LAMA2: variants seen among roughly 807,000 people sequenced by gnomAD.
LAMA2 encodes laminin subunit alpha-2.
Under a neutral mutation model 364.8 loss-of-function variants are expected in LAMA2, and 269 were observed. The ratio of observed to expected loss-of-function variants is 0.74; its 90% CI spans 0.67 to 0.82. The LOEUF is 0.82. Among genes scored for constraint, LAMA2 ranks in the 40% least tolerant of loss-of-function variants. The pLI is 0.00. For missense variants in LAMA2, 3,807 were observed against 3,873.2 expected (o/e 0.98, Z 0.45); for synonymous variants, 1,379 against 1,370.6 (o/e 1.01, Z -0.14).
chr6:128,988,805 C>A (rs1783429708), intron 1 of LAMA2, among the ~76,000 whole-genome samples: 1 of 152,126 alleles, frequency 6.6e-6, no homozygotes, highest in Admixed American at 6.5e-5. Context: ...CAAATTTCTT[C>A]AGCCTAAAAT....
intron 2 of LAMA2, among the ~76,000 whole-genome samples, chr6:129,051,853 A>G (rs1487121405): frequency 6.6e-6 from 1 of 151,784 alleles, no homozygotes; most frequent in Non-Finnish European, 1.5e-5. Context: ...AAATTTCATG[A>G]AGAATATGAG....
intron 1 of LAMA2, among the ~76,000 whole-genome samples, chr6:128,957,836 A>ATTTTTTTTT (rs10652900): frequency 2.1e-4 from 11 of 51,260 alleles, no homozygotes; most frequent in Admixed American, 3.0e-4. Flanking sequence ...TACTTCATGC[A>ATTTTTTTTT]TTTTTTTTTT....
At chr6:129,513,850 T>C (rs1009768596) in intron 63 of LAMA2, among the ~76,000 whole-genome samples, 1 of 152,166 alleles carries the variant, frequency 6.6e-6, no homozygotes, top group Non-Finnish European at 1.5e-5. Flanking sequence ...AAATGTAATT[T>C]ATGTAACTCT....
At chr6:129,422,889 A>G (rs979468513) in intron 40 of LAMA2, among the ~76,000 whole-genome samples, 34 of 152,112 alleles carry the variant, frequency 2.2e-4, no homozygotes, top group African/African-American at 8.2e-4. Context: ...AAAAAAGAAA[A>G]TTATATTATA....
At chr6:129,136,916 A>G (rs1233703582) in intron 4 of LAMA2, among the ~76,000 whole-genome samples, 1 of 149,256 alleles carries the variant, frequency 6.7e-6, no homozygotes, top group East Asian at 1.9e-4. Context: ...ACCAGTGGGA[A>G]GGATACCAGG....
intron 28 of LAMA2, among the ~76,000 whole-genome samples, chr6:129,325,319 T>C (rs1244957309): frequency 6.6e-6 from 1 of 152,162 alleles, no homozygotes; most frequent in African/African-American, 2.4e-5. Context: ...GGAAAGTATT[T>C]ATTTGCTTTT....
At chr6:129,353,450 T>A in intron 32 of LAMA2, 93 bp downstream of exon 32, 2 of 413,374 alleles carry the variant, frequency 4.8e-6, no homozygotes, top group Non-Finnish European at 7.7e-6. Context: ...CCGCCCGCCT[T>A]TTTTTTTTTT....
chr6:129,334,564 A>G (rs990156241), intron 29 of LAMA2, among the ~76,000 whole-genome samples: 6 of 152,112 alleles, frequency 3.9e-5, no homozygotes, highest in Non-Finnish European at 8.8e-5. Flanking sequence ...AAAAATAAGT[A>G]AAAAAAATTC....
intron 12 of LAMA2, among the ~76,000 whole-genome samples, chr6:129,235,678 G>A (rs1329802307): frequency 6.6e-6 from 1 of 152,118 alleles, no homozygotes; most frequent in African/African-American, 2.4e-5. Context: ...GTTCTAAAGG[G>A]TACCTATAGT....
chr6:129,193,430 C>T (rs1329055156), intron 12 of LAMA2, among the ~76,000 whole-genome samples: 1 of 152,142 alleles, frequency 6.6e-6, no homozygotes, highest in East Asian at 1.9e-4. Flanking sequence ...GTTTTAAAGC[C>T]CACACATATG....
At chr6:129,490,321 A>T (rs1371872916) in intron 56 of LAMA2, among the ~76,000 whole-genome samples, 1 of 152,168 alleles carries the variant, frequency 6.6e-6, no homozygotes, top group Admixed American at 6.5e-5. Flanking sequence ...CACAGCTAGT[A>T]AGCTTCCACA....
chr6:129,258,876 A>T (rs3778121), intron 14 of LAMA2, among the ~76,000 whole-genome samples: 1 of 151,948 alleles, frequency 6.6e-6, no homozygotes, highest in African/African-American at 2.4e-5. Flanking sequence ...ACACTATAGG[A>T]CAGTGATATT....
At chr6:129,419,211 G>T (rs1780949691) in intron 40 of LAMA2, among the ~76,000 whole-genome samples, 1 of 152,094 alleles carries the variant, frequency 6.6e-6, no homozygotes. Context: ...TCATCAGTCG[G>T]AAACACAGAA....
intron 27 of LAMA2, among the ~76,000 whole-genome samples, chr6:129,319,230 G>A (rs1394925576): frequency 2.6e-5 from 4 of 152,080 alleles, no homozygotes; most frequent in African/African-American, 7.2e-5. Context: ...AGAAATTTGG[G>A]ATAGTAGTAA....
At chr6:129,127,792 C>A (rs140815413) in intron 4 of LAMA2, among the ~76,000 whole-genome samples, 170 of 152,072 alleles carry the variant, frequency 1.1e-3, no homozygotes, top group African/African-American at 3.9e-3. Context: ...TATCTCTTGG[C>A]CATTTGTTAG....
chr6:129,407,553 A>C (rs537973613), intron 40 of LAMA2, among the ~76,000 whole-genome samples: 1 of 152,362 alleles, frequency 6.6e-6, no homozygotes, highest in East Asian at 1.9e-4. Context: ...ACATATTCTT[A>C]ACAGAATAAG....
intron 12 of LAMA2, among the ~76,000 whole-genome samples, chr6:129,242,283 C>T (rs1190750054): frequency 6.6e-6 from 1 of 152,114 alleles, no homozygotes; most frequent in Admixed American, 6.6e-5. Flanking sequence ...AGGTTAACTA[C>T]AATTCTCATT....
At chr6:128,929,802 C>A in intron 1 of LAMA2, 1 of 1,041,780 alleles carries the variant, frequency 9.6e-7, no homozygotes, top group Non-Finnish European at 1.5e-6. Flanking sequence ...CCAACCACAC[C>A]CACAGAGTCT....
intron 51 of LAMA2, among the ~76,000 whole-genome samples, chr6:129,467,290 C>T (rs915603213): frequency 2.0e-5 from 3 of 151,506 alleles, no homozygotes; most frequent in Admixed American, 6.6e-5. Flanking sequence ...ACTTACAAGG[C>T]GAGAAGCTAA....
Sources: gnomAD v4.1 joint callset for allele counts (sites outside exome capture counted in the v4.1 genomes callset) on GRCh38, gnomAD v4.1.1 for gene constraint, MANE v1.5 for transcripts, NCBI Gene and HGNC (gene_info 2026-07-23, HGNC 2026-07-21) for gene names.